The following HTR2C variants were observed in gnomAD, a reference collection of about 807,000 sequenced individuals.
HTR2C encodes 5-hydroxytryptamine (serotonin) receptor 2C, G protein-coupled.
A neutral mutation model predicts 21.0 loss-of-function variants in HTR2C; 5 were observed. The ratio of observed to expected loss-of-function variants is 0.24; its 90% CI spans 0.12 to 0.50. The LOEUF (loss-of-function observed/expected upper bound fraction) is 0.50, where lower values mean the gene tolerates loss of function less well. Ranked by LOEUF, HTR2C falls within the 20% of genes least tolerant of loss-of-function variation. The probability of loss-of-function intolerance (pLI) is 0.98; values close to 1 mark genes in which losing one functional copy is unlikely to be tolerated. For synonymous variants in HTR2C, 150 were observed against 145.3 expected, an observed-to-expected ratio of 1.03 and a Z score of -0.23; for missense variants, 271 against 371.2, an observed-to-expected ratio of 0.73 and a Z score of 2.22.
At chrX:114,776,489 T>A (rs781801014) in intron 4 of HTR2C, 2 of 558,631 alleles carry the variant, frequency 3.6e-6, no homozygotes, top group Non-Finnish European at 6.5e-6. Context: ...GTCAGTATCA[T>A]TCACCATCAT....
intron 5 of HTR2C, among the ~76,000 whole-genome samples, chrX:114,853,992 T>G (rs1426637617): frequency 1.8e-5 from 2 of 111,832 alleles, no homozygotes; most frequent in African/African-American, 6.5e-5. Context: ...GGCCACTCTG[T>G]CTTCCAAACT....
At chrX:114,773,347 C>T (rs189408107) in intron 4 of HTR2C, among the ~76,000 whole-genome samples, 2 of 111,875 alleles carry the variant, frequency 1.8e-5, no homozygotes. Context: ...TAGTAAGAGC[C>T]AGTTTCATAA....
chrX:114,888,205 G>A (rs2071235016), intron 5 of HTR2C, among the ~76,000 whole-genome samples: 1 of 111,332 alleles, frequency 9.0e-6, no homozygotes, highest in Non-Finnish European at 1.9e-5. Flanking sequence ...ATATGTAGAT[G>A]TGTAATGGTG....
At chrX:114,895,358 T>G (rs1480743839) in intron 5 of HTR2C, among the ~76,000 whole-genome samples, 2 of 111,873 alleles carry the variant, frequency 1.8e-5, no homozygotes, top group African/African-American at 6.5e-5. Context: ...ATCATAGTAT[T>G]TCTTTTTAAA....
At chrX:114,608,333 G>A (rs1928561771) in intron 1 of HTR2C, among the ~76,000 whole-genome samples, 2 of 111,059 alleles carry the variant, frequency 1.8e-5, no homozygotes, top group Admixed American at 9.6e-5. Context: ...TATACTCAGA[G>A]TTGTATAATC....
chrX:114,767,201 C>T (rs1298962469), intron 4 of HTR2C, among the ~76,000 whole-genome samples: 2 of 110,907 alleles, frequency 1.8e-5, no homozygotes, highest in Non-Finnish European at 3.8e-5. Flanking sequence ...TTGATAAGAT[C>T]ATGACAAATG....
intron 1 of HTR2C, among the ~76,000 whole-genome samples, chrX:114,607,584 T>C (rs1556397445): frequency 8.9e-6 from 1 of 112,189 alleles, no homozygotes; most frequent in Non-Finnish European, 1.9e-5. Context: ...GTTTGGCACA[T>C]TTGTCATATC....
intron 2 of HTR2C, among the ~76,000 whole-genome samples, chrX:114,705,451 A>G (rs1389327390): frequency 9.2e-6 from 1 of 108,505 alleles, no homozygotes; most frequent in African/African-American, 3.3e-5. Context: ...AAAACAAGCA[A>G]TGGGGAAAGG....
rs782449944 is a variant in HTR2C, at chrX:114,836,061, G to A, written c.350-11942G>A. 8.3e-5 allele frequency among the ~76,000 whole-genome samples: 9 copies of A among 108,334 alleles called. No homozygotes were observed. In the East Asian group the frequency reaches 1.2e-3, roughly 14 times the overall value. The allele number at this position is 108,334 out of a possible 115,157, so 94.1% of individuals were successfully genotyped here. On this transcript the variant is annotated intron_variant, in intron 4 of 5. Transcript: ENST00000276198. Reference sequence around the variant, plus strand: ...ACCCACTTGAGGAGGCAGTCTGCCCGTTCTCAGATCTCCAGCTGCGTGCTG... The same window carrying A: ...ACCCACTTGAGGAGGCAGTCTGCCCATTCTCAGATCTCCAGCTGCGTGCTG...
At chrX:114,648,654 A>G in intron 2 of HTR2C, among the ~76,000 whole-genome samples, 1 of 111,411 alleles carries the variant, frequency 9.0e-6, no homozygotes, top group Middle Eastern at 4.7e-3. Flanking sequence ...CTTGAGCCCA[A>G]CAGGTTGAGG....
Position 114,726,977 on chromosome X carries a change from G to T in HTR2C, c.35+6G>T, listed in dbSNP as rs781785666. 9.5e-7 allele frequency: 1 copy of T among 1,055,844 alleles called. No individual in the cohort carries two copies. The allele number at this position is 1,055,844 out of a possible 1,213,427, so 87.0% of individuals were successfully genotyped here. A position where few individuals can be genotyped will look rare whatever the true frequency, so the allele number is the denominator to read the frequency against. On this transcript the variant is annotated splice_donor_region_variant and intron_variant, in intron 3 of 5. Transcript: ENST00000276198. ...AATGCGGTGCATTCATTCCTGTAAG[G>T]ATGTTACTACTTATTATTTTAGTAA...
At chrX:114,854,065 A>G (rs1227375646) in intron 5 of HTR2C, among the ~76,000 whole-genome samples, 1 of 111,380 alleles carries the variant, frequency 9.0e-6, no homozygotes, top group Non-Finnish European at 1.9e-5. Context: ...TGTATCTCAT[A>G]AGAATCAATT....
At chrX:114,866,652 C>T (rs2071048889) in intron 5 of HTR2C, among the ~76,000 whole-genome samples, 2 of 110,103 alleles carry the variant, frequency 1.8e-5, no homozygotes, top group South Asian at 7.8e-4. Context: ...CCACAACCAC[C>T]AACTACTCTT....
At chrX:114,610,597 G>C (rs1556398370) in intron 1 of HTR2C, among the ~76,000 whole-genome samples, 1 of 111,627 alleles carries the variant, frequency 9.0e-6, no homozygotes, top group Non-Finnish European at 1.9e-5. Context: ...AATTTTTGTA[G>C]AATGGAATGG....
chrX:114,599,149 A>T (rs911478366), intron 1 of HTR2C, among the ~76,000 whole-genome samples: 15 of 111,468 alleles, frequency 1.3e-4, no homozygotes, highest in African/African-American at 4.2e-4. Flanking sequence ...TGGCTTCAAA[A>T]ATTAGAAAGT....
At position 114,843,671 on chromosome X, in the gene HTR2C, C is replaced by A. The variant is rs182361783; in HGVS notation, c.350-4332C>A. Among the ~76,000 whole-genome samples the A allele has an allele frequency of 5.2e-3, 585 of 111,448 alleles. 4 individuals carry two copies. Among genetic ancestry groups the A allele is most frequent in the African/African-American group, 0.018 (555 of 30,713 alleles). On this transcript the variant is annotated intron_variant, in intron 4 of 5. Transcript: ENST00000276198. ...AAGAATTACTCCAAAATATCCAAAC[C>A]AAGGTGCAGTATAATCAAACTCTTG...
intron 5 of HTR2C, among the ~76,000 whole-genome samples, chrX:114,894,716 C>G (rs939721404): frequency 1.8e-5 from 2 of 109,900 alleles, no homozygotes; most frequent in African/African-American, 6.6e-5. Flanking sequence ...ATTTATTTAT[C>G]TACCTTATTT....
At chrX:114,668,747 G>C (rs1931264126) in intron 2 of HTR2C, among the ~76,000 whole-genome samples, 1 of 110,482 alleles carries the variant, frequency 9.1e-6, no homozygotes, top group African/African-American at 3.3e-5. Flanking sequence ...CTCCTGCTTT[G>C]GAGGATCTAA....
At chrX:114,791,134 G>A (rs1006178881) in intron 4 of HTR2C, among the ~76,000 whole-genome samples, 3 of 112,734 alleles carry the variant, frequency 2.7e-5, no homozygotes, top group South Asian at 3.5e-4. Flanking sequence ...CGCCATGAGC[G>A]CATCAACCAA....
Sources: gnomAD v4.1 joint callset for allele counts (sites outside exome capture counted in the v4.1 genomes callset) on GRCh38, gnomAD v4.1.1 for gene constraint, MANE v1.5 for transcripts, NCBI Gene and HGNC (gene_info 2026-07-23, HGNC 2026-07-21) for gene names.